DSTYK: variants seen among roughly 807,000 people sequenced by gnomAD.
DSTYK encodes dual serine/threonine and tyrosine protein kinase, also known as RIP-homologous kinase.
Under a neutral mutation model 98.7 loss-of-function variants are expected in DSTYK, and 34 were observed. That is an observed-to-expected ratio of 0.34 (90% CI 0.26 to 0.46). The LOEUF (loss-of-function observed/expected upper bound fraction) is 0.46. Ranked by LOEUF, DSTYK falls within the 20% of genes least tolerant of loss-of-function variation. DSTYK has a pLI of 1.00. For synonymous variants in DSTYK, 462 were observed against 457.3 expected (o/e 1.01, Z -0.13); for missense variants, 962 against 1,181.7 (o/e 0.81, Z 2.73).
chr1:205,178,328 A>G (rs1477604719), intron 2 of DSTYK, among the ~76,000 whole-genome samples: 2 of 152,030 alleles, frequency 1.3e-5, no homozygotes, highest in African/African-American at 4.8e-5. Context: ...AATATATTGA[A>G]TGGTCTCTAT....
In DSTYK at chr1:205,150,524, C is replaced by T. The variant is rs1657371472; in HGVS notation, c.2467+156G>A. Among the ~76,000 whole-genome samples the T allele has an allele frequency of 1.3e-5, 2 of 152,150 alleles. No individual in the cohort carries two copies. Among genetic ancestry groups the T allele is most frequent in the African/African-American group, 4.8e-5 (2 of 41,440 alleles). On this transcript the variant is annotated intron_variant, in intron 11 of 12. Transcript: ENST00000367162. The surrounding 1 kb of genome is among the most constrained non-coding windows in gnomAD (Gnocchi z 4.1). ...CTTACTCCTTTACCTCTTCACTTTC[C>T]CTGCTACTTGCCTTAGGTAGGTCTC...
At chr1:205,209,415 A>T (rs1659299145) in intron 1 of DSTYK, among the ~76,000 whole-genome samples, 1 of 152,132 alleles carries the variant, frequency 6.6e-6, no homozygotes, top group South Asian at 2.1e-4. Flanking sequence ...AGCCTCACAG[A>T]TACTGGTTCT....
At chr1:205,195,485 AT>A (rs1658839304) in intron 1 of DSTYK, among the ~76,000 whole-genome samples, 1 of 152,192 alleles carries the variant, frequency 6.6e-6, no homozygotes, top group African/African-American at 2.4e-5. Flanking sequence ...CTTCAGCTAA[AT>A]TTTAAAGACT....
At chr1:205,206,123 C>T (rs1359924999) in intron 1 of DSTYK, among the ~76,000 whole-genome samples, 1 of 152,178 alleles carries the variant, frequency 6.6e-6, no homozygotes, top group East Asian at 1.9e-4. Flanking sequence ...AAAGACTGAT[C>T]TTCACTGGCC....
At chr1:205,193,062 T>C (rs1003179493) in intron 1 of DSTYK, among the ~76,000 whole-genome samples, 7 of 152,136 alleles carry the variant, frequency 4.6e-5, no homozygotes, top group Admixed American at 6.5e-5. Flanking sequence ...CCATGAGGAA[T>C]AAAGCATATG....
chr1:205,161,921 TACACACACAGAC>T, intron 6 of DSTYK, 103 bp downstream of exon 6: 2 of 809,642 alleles, frequency 2.5e-6, no homozygotes, highest in South Asian at 3.8e-5. Flanking sequence ...TATATATGTA[TACACACACAGAC>T]ACACACACAT....
intron 10 of DSTYK, among the ~76,000 whole-genome samples, chr1:205,157,048 A>G (rs755381805): frequency 6.6e-6 from 1 of 152,180 alleles, no homozygotes; most frequent in Non-Finnish European, 1.5e-5. Flanking sequence ...ACCATAACTA[A>G]AAGTTTCCTG....
chr1:205,189,654 G>A (rs370033973), intron 1 of DSTYK, among the ~76,000 whole-genome samples: 33 of 152,138 alleles, frequency 2.2e-4, no homozygotes, highest in African/African-American at 7.2e-4. Flanking sequence ...AAATCCCCAA[G>A]CATCCTTCTC....
At position 205,187,534 on chromosome 1, in the gene DSTYK, G is replaced by A. The variant is rs1195579009; in HGVS notation, c.538C>T (p.His180Tyr). ...QYELVHTLVA[H>Y]QGNWETIPEE... The stretch of plus-strand genomic sequence containing the variant: ...GGGATGGTCTCCCAGTTGCCCTGAT[G>A]AGCAACCAGCGTGTGCACTAGTTCA... Residue 180 changes from histidine to tyrosine, a missense_variant, in exon 2 of 13, where the codon CAT becomes TAT. Transcript: ENST00000367162. 2 of 1,614,068 alleles carry A rather than the reference G, an allele frequency of 1.2e-6. No individual in the cohort carries two copies. The highest frequency in any genetic ancestry group is 1.3e-5 in the African/African-American group (1 of 74,912).
chr1:205,173,758 G>A (rs1223431708), intron 2 of DSTYK, among the ~76,000 whole-genome samples: 2 of 150,808 alleles, frequency 1.3e-5, no homozygotes, highest in Non-Finnish European at 2.9e-5. Flanking sequence ...TCGCTCTGTC[G>A]CCCAGGCTGG....
chr1:205,181,095 A>G (rs977420250), intron 2 of DSTYK, among the ~76,000 whole-genome samples: 2 of 152,174 alleles, frequency 1.3e-5, no homozygotes, highest in Admixed American at 6.6e-5. Context: ...AGAGTTTTTA[A>G]AATTTTAATT....
chr1:205,164,507 G>C (rs1017042615), intron 3 of DSTYK, among the ~76,000 whole-genome samples: 8 of 151,744 alleles, frequency 5.3e-5, no homozygotes, highest in African/African-American at 1.9e-4. Flanking sequence ...TGTCGCCCAG[G>C]CTGGAGTGGA....
At position 205,146,718 on chromosome 1, in the gene DSTYK, T is replaced by G. The variant is rs1231577709; in HGVS notation, c.*840A>C. 1.3e-5 allele frequency: 2 copies of G among 151,990 alleles called. No individual in the cohort carries two copies. The highest frequency in any genetic ancestry group is 6.6e-5 in the Admixed American group (1 of 15,234). 9.4% of individuals were successfully genotyped at this position (151,990 alleles called of 1,614,324 possible). On this transcript the variant is annotated 3_prime_UTR_variant, in exon 13 of 13. Transcript: ENST00000367162. ...TCCTGAGTATCTTGGATTACAGGCA[T>G]GCACCACCACGCCCGGCTAATTTTT...
At chr1:205,148,591 T>G (rs1447333574) in intron 11 of DSTYK, among the ~76,000 whole-genome samples, 1 of 152,002 alleles carries the variant, frequency 6.6e-6, no homozygotes, top group African/African-American at 2.4e-5. Context: ...AGAAGGAAAA[T>G]AAGGCCTTTC....
chr1:205,192,072 T>C lies in DSTYK; in HGVS notation c.266-4266A>G, dbSNP rs560250515. On this transcript the variant is annotated intron_variant, in intron 1 of 12. Transcript: ENST00000367162. Reference sequence around the variant, plus strand: ...TTTTTGTTTACTTCTAAACAAAAGTTTCAAGCTAGATGGAAGAGAAGAACA... The same window carrying C: ...TTTTTGTTTACTTCTAAACAAAAGTCTCAAGCTAGATGGAAGAGAAGAACA... 2.6e-5 allele frequency among the ~76,000 whole-genome samples: 4 copies of C among 152,304 alleles called. No individual in the cohort carries two copies. In the East Asian group the frequency reaches 5.8e-4, roughly 22 times the overall value.
rs561951398 is a variant in DSTYK at position 205,161,618 on chromosome 1, C to T, written c.1819-231G>A. On this transcript the variant is annotated intron_variant, in intron 6 of 12. Coordinates refer to ENST00000367162, the MANE Select transcript of DSTYK (RefSeq NM_015375.3). ...TCCACTCTCTGCCTGGACACACCCA[C>T]TCCCCGCCAGTGGACAATCAGATGT... 4.6e-5 allele frequency among the ~76,000 whole-genome samples: 7 copies of T among 152,308 alleles called. No individual in the cohort carries two copies. The South Asian group carries it at 1.2e-3, about 27-fold the overall frequency.
intron 9 of DSTYK, among the ~76,000 whole-genome samples, chr1:205,158,625 C>A (rs1657626673): frequency 6.6e-6 from 1 of 152,124 alleles, no homozygotes; most frequent in South Asian, 2.1e-4. Context: ...CTCCTGATTC[C>A]CAAAATGAAC....
chr1:205,159,655 C>T lies in DSTYK; in HGVS notation c.2130G>A (p.Leu710=), dbSNP rs1249531883. The T allele has an allele frequency of 6.2e-7, 1 of 1,613,668 alleles. No individual in the cohort carries two copies. Among genetic ancestry groups the T allele is most frequent in the South Asian group, 1.1e-5 (1 of 91,062 alleles). Residue 710 remains leucine, a synonymous_variant, in exon 9 of 13, where the codon TTG becomes TTA. Transcript: ENST00000367162. ...YMRSLPKHER[L]VDLHGSVIDY... ...CAATGACTGAACCATGGAGATCCAC[C>T]AATCGCTCATGCTTCGGCAGAGACC...
chr1:205,187,552 C>A lies in DSTYK; in HGVS notation c.520G>T (p.Val174Leu). ...SLALPGQYEL[V>L]HTLVAHQGNW... is the part of the protein sequence containing the mutation. ...CCCTGATGAGCAACCAGCGTGTGCA[C>A]TAGTTCATACTGTCCAGGGAGCGCC... is the stretch of plus-strand genomic sequence containing the variant. The change falls in exon 2 of 13, where the codon GTG (valine) becomes TTG (leucine). Residue 174 changes from valine to leucine, a missense_variant. Physicochemically the swap from Val to Leu is conservative, Grantham distance 32. Around this residue, in one of 4 missense-constraint regions of DSTYK, gnomAD observed 660 missense variants for 855.0 expected, o/e 0.77. Transcript: ENST00000367162. 6.2e-7 allele frequency: 1 copy of A among 1,614,178 alleles called. No individual in the cohort carries two copies. The highest frequency in any genetic ancestry group is 8.5e-7 in the Non-Finnish European group (1 of 1,180,032).
Sources: gnomAD v4.1 joint callset for allele counts (sites outside exome capture counted in the v4.1 genomes callset) on GRCh38, gnomAD v4.1.1 for gene constraint, gnomAD v4.1.1 regional missense constraint, Gnocchi (gnomAD v3.1) non-coding constraint, MANE v1.5 for transcripts, NCBI Gene and HGNC (gene_info 2026-07-23, HGNC 2026-07-21) for gene names.